MICU2: variants seen among roughly 807,000 people sequenced by gnomAD.
The protein encoded by MICU2 is mitochondrial calcium uptake 2.
Under a neutral mutation model 60.4 loss-of-function variants are expected in MICU2, and 64 were observed. That is an observed-to-expected ratio of 1.06 (90% CI 0.87 to 1.31). The LOEUF (loss-of-function observed/expected upper bound fraction) is 1.31. Among genes scored for constraint, MICU2 ranks in the 50% most tolerant of loss-of-function variants. The pLI is 0.00. For synonymous variants in MICU2, 201 were observed against 175.0 expected, an observed-to-expected ratio of 1.15 and a Z score of -1.17; for missense variants, 569 against 531.0, an observed-to-expected ratio of 1.07 and a Z score of -0.70.
chr13:21,567,682 C>T (rs1441377579), intron 1 of MICU2, among the ~76,000 whole-genome samples: 1 of 152,114 alleles, frequency 6.6e-6, no homozygotes, highest in Non-Finnish European at 1.5e-5. Context: ...TGACTAAGTG[C>T]TAATGAAGAG....
intron 1 of MICU2, 21 bp downstream of exon 1, chr13:21,603,918 C>CAGAAGG (rs1566175572): frequency 6.2e-7 from 1 of 1,610,072 alleles, no homozygotes; most frequent in Non-Finnish European, 8.5e-7. Flanking sequence ...CTGGGGCTAG[C>CAGAAGG]AGAAGGAGTT....
At chr13:21,583,302 G>A (rs1194848853) in intron 1 of MICU2, among the ~76,000 whole-genome samples, 2 of 152,058 alleles carry the variant, frequency 1.3e-5, no homozygotes, top group African/African-American at 4.8e-5. Context: ...AAATAAACAT[G>A]CTTCAATCAC....
chr13:21,602,386 A>G (rs962429235), intron 1 of MICU2, among the ~76,000 whole-genome samples: 4 of 151,874 alleles, frequency 2.6e-5, no homozygotes, highest in Non-Finnish European at 4.4e-5. Flanking sequence ...GCCGGGCGCG[A>G]TGGCGGGCGC....
chr13:21,534,052 C>A (rs375042205), intron 4 of MICU2, among the ~76,000 whole-genome samples: 1 of 149,936 alleles, frequency 6.7e-6, no homozygotes, highest in Admixed American at 6.6e-5. Flanking sequence ...CACGCCACTG[C>A]GCTCTAGTCT....
intron 4 of MICU2, 87 bp downstream of exon 4, chr13:21,539,213 CAT>C: frequency 8.7e-7 from 1 of 1,151,188 alleles, no homozygotes; most frequent in Admixed American, 2.2e-5. Context: ...TATTAAATAA[CAT>C]GGTACAAATC....
At chr13:21,575,414 G>C (rs1245786371) in intron 1 of MICU2, among the ~76,000 whole-genome samples, 5 of 135,570 alleles carry the variant, frequency 3.7e-5, no homozygotes, top group African/African-American at 1.3e-4. Context: ...ACTAGGTTTC[G>C]AATGATTAAA....
intron 2 of MICU2, among the ~76,000 whole-genome samples, chr13:21,542,432 A>T (rs931437178): frequency 3.9e-5 from 6 of 152,146 alleles, no homozygotes; most frequent in African/African-American, 1.4e-4. Context: ...TGTTTTTTTC[A>T]ATGTAGGGTA....
intron 1 of MICU2, among the ~76,000 whole-genome samples, chr13:21,580,443 G>T (rs925716772): frequency 6.6e-6 from 1 of 152,124 alleles, no homozygotes; most frequent in Admixed American, 6.5e-5. Flanking sequence ...ATCTACTCCT[G>T]TGTCTTTATA....
At chr13:21,601,887 C>T (rs545106052) in intron 1 of MICU2, among the ~76,000 whole-genome samples, 1 of 151,794 alleles carries the variant, frequency 6.6e-6, no homozygotes, top group African/African-American at 2.4e-5. Context: ...AGGCGGATCA[C>T]GAGGTCAGGA....
At chr13:21,567,078 A>ATAT in intron 1 of MICU2, 134 bp from the exon 2 acceptor site, 1 of 713,966 alleles carries the variant, frequency 1.4e-6, no homozygotes, top group Non-Finnish European at 2.2e-6. Context: ...CATTTAACAA[A>ATAT]TATTAACTGA....
chr13:21,501,654 G>A (rs1024116117), intron 9 of MICU2, among the ~76,000 whole-genome samples: 8 of 152,144 alleles, frequency 5.3e-5, no homozygotes, highest in Admixed American at 1.3e-4. Context: ...ATTCCTGCAC[G>A]TACGAAAGAC....
intron 4 of MICU2, among the ~76,000 whole-genome samples, chr13:21,526,483 A>T (rs1463392309): frequency 6.6e-6 from 1 of 152,042 alleles, no homozygotes; most frequent in Non-Finnish European, 1.5e-5. Flanking sequence ...TTCAGGTTTG[A>T]TTTTGACAAG....
At chr13:21,501,549 T>C (rs968835576) in intron 9 of MICU2, among the ~76,000 whole-genome samples, 18 of 152,206 alleles carry the variant, frequency 1.2e-4, no homozygotes, top group African/African-American at 4.3e-4. Context: ...GGCGTGATCA[T>C]ATAAAGTTTT....
At chr13:21,547,136 T>A (rs1469989474) in intron 2 of MICU2, among the ~76,000 whole-genome samples, 1 of 152,194 alleles carries the variant, frequency 6.6e-6, no homozygotes, top group Non-Finnish European at 1.5e-5. Flanking sequence ...ATGTACTTAC[T>A]GCCTTTTATT....
intron 2 of MICU2, among the ~76,000 whole-genome samples, chr13:21,551,703 T>C (rs904865211): frequency 3.3e-5 from 5 of 150,900 alleles, no homozygotes; most frequent in African/African-American, 1.2e-4. Context: ...TTTTTAGTCC[T>C]TGCGATAGTT....
intron 1 of MICU2, among the ~76,000 whole-genome samples, chr13:21,572,994 G>T (rs1201925794): frequency 1.3e-5 from 2 of 151,982 alleles, no homozygotes; most frequent in Non-Finnish European, 2.9e-5. Flanking sequence ...TACCTGGGAA[G>T]ATTCACATAC....
rs186222088 is a variant in MICU2 at position 21,500,017 on chromosome 13, G to A, written c.933+2909C>T. On this transcript the variant is annotated intron_variant, in intron 9 of 11. Coordinates refer to ENST00000382374, the MANE Select transcript of MICU2 (RefSeq NM_152726.3). ...CTGTCCAGTATCATGAATACACAAT[G>A]CCTCCCACTGCAGCAAAGCTCAGGA... 9.9e-5 allele frequency among the ~76,000 whole-genome samples: 15 copies of A among 152,204 alleles called. No individual in the cohort carries two copies. The East Asian group carries it at 2.9e-3, about 29-fold the overall frequency.
intron 1 of MICU2, among the ~76,000 whole-genome samples, chr13:21,592,939 C>A (rs191170659): frequency 6.6e-6 from 1 of 152,306 alleles, no homozygotes; most frequent in East Asian, 1.9e-4. Flanking sequence ...TGGAAGCATT[C>A]CCTTTGAAAA....
intron 1 of MICU2, among the ~76,000 whole-genome samples, chr13:21,567,763 T>C (rs969859515): frequency 2.6e-5 from 4 of 152,180 alleles, no homozygotes; most frequent in African/African-American, 9.7e-5. Flanking sequence ...TAATCAAGTA[T>C]TCACATAGAT....
Sources: gnomAD v4.1 joint callset for allele counts (sites outside exome capture counted in the v4.1 genomes callset) on GRCh38, gnomAD v4.1.1 for gene constraint, MANE v1.5 for transcripts, NCBI Gene and HGNC (gene_info 2026-07-23, HGNC 2026-07-21) for gene names.